TP73: variants seen among roughly 807,000 people sequenced by gnomAD.
TP73 encodes the protein p53-like transcription factor.
A neutral mutation model predicts 62.5 loss-of-function variants in TP73; 25 were observed. That is an observed-to-expected ratio of 0.40 (90% CI 0.29 to 0.56). TP73 has a LOEUF of 0.56. Ranked by LOEUF, TP73 falls within the 20% of genes least tolerant of loss-of-function variation. The pLI is 0.46. For missense variants in TP73, 754 were observed against 913.3 expected (o/e 0.83, Z 2.25); for synonymous variants, 423 against 377.5 (o/e 1.12, Z -1.40).
intron 10 of TP73, 145 bp from the exon 11 acceptor site, chr1:3,729,855 G>T: frequency 1.6e-6 from 2 of 1,221,166 alleles, no homozygotes; most frequent in Admixed American, 2.7e-5. Context: ...CATGGTTGGG[G>T]ACAGGGAGGC....
At position 3,719,889 on chromosome 1, in the gene TP73, T is replaced by TC. The variant is rs1557566514; in HGVS notation, c.430-2132_430-2131insC. ...CTGTTTCTGCTTTTCTTTTTTTCTC[T>TC]TTGTGTGTGTGTGTGTGTGTGTGTG... is the stretch of plus-strand genomic sequence containing the variant. On this transcript the variant is annotated intron_variant, in intron 4 of 13. Coordinates refer to ENST00000378295, the MANE Select transcript of TP73 (RefSeq NM_005427.4). Among the ~76,000 whole-genome samples, 7 of 133,340 alleles carry TC rather than the reference T, an allele frequency of 5.2e-5. No individual in the cohort carries two copies. In the Admixed American group the frequency reaches 5.7e-4, roughly 11 times the overall value. The allele number at this position is 133,340 out of a possible 152,430, so 87.5% of individuals were successfully genotyped here.
intron 1 of TP73, chr1:3,658,864 A>G (rs1026994033): frequency 4.0e-5 from 6 of 150,412 alleles, no homozygotes; most frequent in African/African-American, 1.2e-4. Flanking sequence ...TCCTACAGTC[A>G]TATTTAGGGG....
intron 1 of TP73, among the ~76,000 whole-genome samples, chr1:3,659,694 T>C (rs551213346): frequency 1.3e-5 from 2 of 152,162 alleles, no homozygotes; most frequent in South Asian, 4.1e-4. Flanking sequence ...ATTATTATTA[T>C]TTTTGAGACA....
chr1:3,735,539 G>T lies in TP73; in HGVS notation c.*2460G>T, dbSNP rs2124564896. The T allele has an allele frequency of 6.6e-6, 1 of 152,388 alleles. No homozygotes were observed. The highest frequency in any genetic ancestry group is 2.4e-5 in the African/African-American group (1 of 41,582). 9.4% of individuals were successfully genotyped at this position (152,388 alleles called of 1,614,324 possible). On this transcript the variant is annotated 3_prime_UTR_variant, in exon 14 of 14. Coordinates refer to ENST00000378295, the MANE Select transcript of TP73 (RefSeq NM_005427.4). ...CATGCAGCCTCCTTGCACTGGAGAAGCAGCTGTGAAAGTAGACAGAGTTGA... is the reference window on the plus strand; with the variant it reads ...CATGCAGCCTCCTTGCACTGGAGAATCAGCTGTGAAAGTAGACAGAGTTGA...
chr1:3,707,841 A>G (rs773362385), intron 4 of TP73, 50 bp downstream of exon 4: 11 of 1,581,794 alleles, frequency 7.0e-6, no homozygotes, highest in Non-Finnish European at 9.4e-6. Context: ...TGCGGGCTGG[A>G]GAGGAGGTGG....
At chr1:3,708,965 G>A (rs1639906168) in intron 4 of TP73, among the ~76,000 whole-genome samples, 1 of 152,252 alleles carries the variant, frequency 6.6e-6, no homozygotes, top group Admixed American at 6.5e-5. Context: ...GGAGTGCTGA[G>A]CAAGGGGCCC....
chr1:3,705,823 TG>T (rs1276350898), intron 3 of TP73, among the ~76,000 whole-genome samples: 1 of 152,238 alleles, frequency 6.6e-6, no homozygotes, highest in Non-Finnish European at 1.5e-5. Flanking sequence ...CATTGGATGC[TG>T]GAGGGGCCGG....
rs576505681 is a variant in TP73, at chr1:3,663,294, G to A, written c.-34+10653G>A. Among the ~76,000 whole-genome samples, 39 of 152,312 alleles carry A rather than the reference G, an allele frequency of 2.6e-4. No homozygotes were observed. The highest frequency in any genetic ancestry group is 8.7e-4 in the African/African-American group (36 of 41,566). Reference sequence around the variant, plus strand: ...TGAAAGACAAGTTAACAAGAGGGCCGTGCAGGCTTATTTACGAGAAGTTCC... The same window carrying A: ...TGAAAGACAAGTTAACAAGAGGGCCATGCAGGCTTATTTACGAGAAGTTCC... On this transcript the variant is annotated intron_variant, in intron 1 of 13. Transcript: ENST00000378295. This position sits in a 1 kb window ranked among gnomAD's most constrained non-coding sequence, Gnocchi z 4.7.
At chr1:3,728,745 C>A (rs1407149239) in intron 9 of TP73, among the ~76,000 whole-genome samples, 1 of 152,196 alleles carries the variant, frequency 6.6e-6, no homozygotes, top group Middle Eastern at 3.2e-3. Context: ...GAGGCTGAGG[C>A]GGGTGGATCA....
chr1:3,655,248 G>T lies in TP73; in HGVS notation c.-34+2607G>T, dbSNP rs1003511760. Among the ~76,000 whole-genome samples, 3 of 152,182 alleles carry T rather than the reference G, an allele frequency of 2.0e-5. No individual in the cohort carries two copies. In the South Asian group the frequency reaches 6.2e-4, roughly 32 times the overall value. On this transcript the variant is annotated intron_variant, in intron 1 of 13. Transcript: ENST00000378295. Reference sequence around the variant, plus strand: ...CCAAAAATACAAAAATTAGCCGGGGGTGGTGTCTGGTGCCTGTAGTCTCAG... The same window carrying T: ...CCAAAAATACAAAAATTAGCCGGGGTTGGTGTCTGGTGCCTGTAGTCTCAG...
intron 1 of TP73, among the ~76,000 whole-genome samples, chr1:3,668,069 C>A (rs1230398510): frequency 6.6e-6 from 1 of 152,224 alleles, no homozygotes; most frequent in Non-Finnish European, 1.5e-5. Context: ...TTGTCTCCAA[C>A]AAGGATGTTG....
At position 3,730,091 on chromosome 1, in the gene TP73, C is replaced by T. The variant is rs2124537819; in HGVS notation, c.1288C>T (p.Leu430=). Residue 430 remains leucine, a synonymous_variant, in exon 11 of 14, where the codon CTG becomes TTG. Coordinates refer to ENST00000378295, the MANE Select transcript of TP73 (RefSeq NM_005427.4). ...GAACAAGCTGCCCTCCGTCAACCAG[C>T]TGGTGGGCCAGCCTCCCCCGCACAG... ...GMNKLPSVNQ[L]VGQPPPHSSA... is the part of the protein sequence containing the mutation. 6.3e-7 allele frequency: 1 copy of T among 1,592,938 alleles called. No homozygotes were observed. The highest frequency in any genetic ancestry group is 8.5e-7 in the Non-Finnish European group (1 of 1,170,608).
At chr1:3,661,851 T>C (rs960084754) in intron 1 of TP73, among the ~76,000 whole-genome samples, 3 of 147,784 alleles carry the variant, frequency 2.0e-5, no homozygotes, top group Admixed American at 6.8e-5. Flanking sequence ...AATATATGTA[T>C]TATATATATA....
rs375479214 is a variant in TP73, at chr1:3,729,283, G to C, written c.1075-44G>C. 2.5e-5 allele frequency: 41 copies of C among 1,611,306 alleles called. No individual in the cohort carries two copies. In the East Asian group the frequency reaches 3.8e-4, roughly 15 times the overall value. ...AGGCTGCGGCCACCCCCCTCCCGTG[G>C]GGGTCTGGGGCACGTGGGCAGAGAT... On this transcript the variant is annotated intron_variant, in intron 9 of 13. Transcript: ENST00000378295.
chr1:3,732,271 C>T (rs1445724871), intron 13 of TP73, among the ~76,000 whole-genome samples: 1 of 152,192 alleles, frequency 6.6e-6, no homozygotes, highest in Admixed American at 6.5e-5. Context: ...AACTGTCCCT[C>T]GTGCAGAGAG....
At chr1:3,732,392 C>A (rs952093235) in intron 13 of TP73, among the ~76,000 whole-genome samples, 4 of 152,202 alleles carry the variant, frequency 2.6e-5, no homozygotes, top group Non-Finnish European at 5.9e-5. Context: ...GATGTGTGTG[C>A]TTGGTGTGGT....
rs866855924 is a variant in TP73, at chr1:3,694,988, G to A, written c.186+11808G>A. Among the ~76,000 whole-genome samples the A allele has an allele frequency of 4.6e-3, 686 of 150,742 alleles. 6 individuals carry two copies. The highest frequency in any genetic ancestry group is 0.016 in the African/African-American group (642 of 40,872). ...CCATGCAGCCTCAGCCCCTCCTCCC[G>A]CAATCCCAGCCATGCTCTTCACTTG... is the stretch of plus-strand genomic sequence containing the variant. On this transcript the variant is annotated intron_variant, in intron 3 of 13. Transcript: ENST00000378295.
chr1:3,691,981 G>T (rs1169219224), intron 3 of TP73, among the ~76,000 whole-genome samples: 1 of 151,856 alleles, frequency 6.6e-6, no homozygotes, highest in Non-Finnish European at 1.5e-5. Flanking sequence ...GGGTATTGGT[G>T]TGCGTGCATG....
At position 3,699,938 on chromosome 1, in the gene TP73, G is replaced by A. The variant is rs1639016972; in HGVS notation, c.187-7611G>A. Among the ~76,000 whole-genome samples the A allele has an allele frequency of 6.6e-6, 1 of 152,090 alleles. No homozygotes were observed. Among genetic ancestry groups the A allele is most frequent in the Non-Finnish European group, 1.5e-5 (1 of 67,986 alleles). On this transcript the variant is annotated intron_variant, in intron 3 of 13. Coordinates refer to ENST00000378295, the MANE Select transcript of TP73 (RefSeq NM_005427.4). The surrounding 1 kb of genome is among the most constrained non-coding windows in gnomAD (Gnocchi z 4.1). ...AGGGGGACTGCATGGCCAGACCGTG[G>A]GCTCGGGCCCCAGTCTCCTGATCTC...
Sources: allele counts gnomAD v4.1 joint callset (sites outside exome capture counted in the v4.1 genomes callset), GRCh38; gene constraint gnomAD v4.1.1; non-coding constraint Gnocchi (gnomAD v3.1); transcripts MANE v1.5; gene names NCBI Gene and HGNC (gene_info 2026-07-23, HGNC 2026-07-21).